UST: variants seen among roughly 807,000 people sequenced by gnomAD.
UST encodes uronyl 2-sulfotransferase, also known as chondroitin sulfate 2-O-sulfotransferase.
UST carries 21 observed loss-of-function variants against 45.6 expected under a neutral mutation model. The ratio of observed to expected loss-of-function variants is 0.46; its 90% CI spans 0.33 to 0.66. The LOEUF is 0.66. UST is among the 30% of genes least tolerant of loss of function. The pLI is 0.02. For synonymous variants in UST, 215 were observed against 200.6 expected (o/e 1.07, Z -0.61); for missense variants, 463 against 512.4 (o/e 0.90, Z 0.93).
Position 149,074,577 on chromosome 6 carries a change from A to G in UST, c.*461A>G. 1 of 163,952 alleles carries G rather than the reference A, an allele frequency of 6.1e-6. No individual in the cohort carries two copies. Among genetic ancestry groups the G allele is most frequent in the Non-Finnish European group, 1.3e-5 (1 of 74,496 alleles). The allele number at this position is 163,952 out of a possible 1,614,324, so 10.2% of individuals were successfully genotyped here. On this transcript the variant is annotated 3_prime_UTR_variant, in exon 8 of 8. Coordinates refer to ENST00000367463, the MANE Select transcript of UST (RefSeq NM_005715.3). ...GATCTAAGAGAAGGTAAGACAGATTAGGACATCGAAAAGGAGGATGGAGCC... is the reference window on the plus strand; with the variant it reads ...GATCTAAGAGAAGGTAAGACAGATTGGGACATCGAAAAGGAGGATGGAGCC...
At chr6:148,863,564 T>C (rs1193841784) in intron 1 of UST, among the ~76,000 whole-genome samples, 1 of 152,228 alleles carries the variant, frequency 6.6e-6, no homozygotes, top group East Asian at 1.9e-4. Context: ...TGCATTCCTC[T>C]GGAGGAGAAG....
At chr6:149,018,976 C>G (rs1775943342) in intron 5 of UST, among the ~76,000 whole-genome samples, 163 bp from the exon 6 acceptor site, 1 of 152,140 alleles carries the variant, frequency 6.6e-6, no homozygotes, top group Non-Finnish European at 1.5e-5. Flanking sequence ...GAGCAGGATG[C>G]TGGGAGGCAA....
chr6:148,833,426 G>A (rs763464794), intron 1 of UST, among the ~76,000 whole-genome samples: 1 of 152,196 alleles, frequency 6.6e-6, no homozygotes, highest in Non-Finnish European at 1.5e-5. Flanking sequence ...GGCAGAGCTT[G>A]CAGTGACCTG....
intron 1 of UST, among the ~76,000 whole-genome samples, chr6:148,812,179 T>C (rs974883191): frequency 1.3e-5 from 2 of 152,240 alleles, no homozygotes; most frequent in African/African-American, 2.4e-5. Flanking sequence ...ACATGCATAC[T>C]TTCTATATTG....
chr6:148,796,726 C>T (rs1024838774), intron 1 of UST, among the ~76,000 whole-genome samples: 7 of 151,110 alleles, frequency 4.6e-5, no homozygotes, highest in African/African-American at 1.7e-4. Flanking sequence ...CCCAGGTACA[C>T]CTGCTTCCCT....
At chr6:148,836,048 T>G (rs1777780692) in intron 1 of UST, among the ~76,000 whole-genome samples, 2 of 152,028 alleles carry the variant, frequency 1.3e-5, no homozygotes, top group African/African-American at 2.4e-5. Flanking sequence ...AAGGCAGAAT[T>G]TTGGGGAGTT....
At chr6:148,762,122 A>G (rs982931247) in intron 1 of UST, among the ~76,000 whole-genome samples, 28 of 152,170 alleles carry the variant, frequency 1.8e-4, no homozygotes, top group African/African-American at 6.8e-4. Context: ...AAATGTTTGT[A>G]GTTATATTCT....
chr6:148,908,336 G>A (rs2114874535), intron 2 of UST, among the ~76,000 whole-genome samples: 1 of 152,220 alleles, frequency 6.6e-6, no homozygotes, highest in Non-Finnish European at 1.5e-5. Flanking sequence ...TACCCTTTTA[G>A]AATAATAATG....
chr6:148,941,131 C>A, intron 2 of UST, 148 bp from the exon 3 acceptor site: 1 of 861,244 alleles, frequency 1.2e-6, no homozygotes. Flanking sequence ...TTCTGATGAA[C>A]TGATATACAT....
intron 1 of UST, among the ~76,000 whole-genome samples, chr6:148,781,581 A>G (rs1219592980): frequency 6.7e-6 from 1 of 149,618 alleles, no homozygotes; most frequent in East Asian, 2.0e-4. Flanking sequence ...AGCTAGGATC[A>G]TTGTTGAAGG....
chr6:148,783,827 A>C (rs984052117), intron 1 of UST, among the ~76,000 whole-genome samples: 2 of 152,260 alleles, frequency 1.3e-5, no homozygotes, highest in East Asian at 3.9e-4. Context: ...GTGCAGTGGG[A>C]ATTTTCTGTC....
At chr6:149,006,703 A>C (rs542182984) in intron 5 of UST, among the ~76,000 whole-genome samples, 1 of 152,346 alleles carries the variant, frequency 6.6e-6, no homozygotes, top group South Asian at 2.1e-4. Flanking sequence ...ACTAATTTAC[A>C]TTCCCACCAA....
chr6:148,773,582 A>G (rs1171172923), intron 1 of UST, among the ~76,000 whole-genome samples: 3 of 152,222 alleles, frequency 2.0e-5, no homozygotes, highest in Non-Finnish European at 2.9e-5. Context: ...ACTGTTTTCT[A>G]TGCACACACA....
At chr6:148,888,634 G>A (rs559577400) in intron 2 of UST, among the ~76,000 whole-genome samples, 63 of 152,254 alleles carry the variant, frequency 4.1e-4, no homozygotes, top group African/African-American at 1.5e-3. Flanking sequence ...ACACTGACAT[G>A]CGATAAACAT....
intron 1 of UST, among the ~76,000 whole-genome samples, chr6:148,847,201 T>G (rs1459634914): frequency 1.3e-5 from 2 of 152,258 alleles, no homozygotes; most frequent in African/African-American, 4.8e-5. Context: ...ATACTTATTA[T>G]CTCCAGGTTC....
At chr6:148,895,741 G>A (rs1391070497) in intron 2 of UST, among the ~76,000 whole-genome samples, 2 of 152,210 alleles carry the variant, frequency 1.3e-5, no homozygotes, top group Admixed American at 6.5e-5. Context: ...CATGTGAGAT[G>A]TGCCTTTCAC....
At chr6:149,058,363 GTGT>G (rs1776600400) in intron 7 of UST, among the ~76,000 whole-genome samples, 1 of 146,642 alleles carries the variant, frequency 6.8e-6, no homozygotes. Flanking sequence ...GTGTGTGTGT[GTGT>G]GTGTGTGTGT....
At chr6:148,990,055 G>T (rs996464980) in intron 5 of UST, among the ~76,000 whole-genome samples, 2 of 152,128 alleles carry the variant, frequency 1.3e-5, no homozygotes, top group African/African-American at 2.4e-5. Flanking sequence ...TGCTTCCTTT[G>T]TTCTTTTAAA....
intron 1 of UST, among the ~76,000 whole-genome samples, chr6:148,863,890 C>T (rs954949907): frequency 4.6e-5 from 7 of 152,272 alleles, no homozygotes; most frequent in Admixed American, 1.3e-4. Context: ...GGTACCCGGC[C>T]GTATGAGGTG....
Sources: gnomAD v4.1 joint callset for allele counts (sites outside exome capture counted in the v4.1 genomes callset) on GRCh38, gnomAD v4.1.1 for gene constraint, MANE v1.5 for transcripts, NCBI Gene and HGNC (gene_info 2026-07-23, HGNC 2026-07-21) for gene names.